The following GOLGA5 variants were observed in gnomAD, a reference collection of about 807,000 sequenced individuals.
The protein encoded by GOLGA5 is golgin subfamily A member 5.
In GOLGA5, 50 loss-of-function variants were observed where a neutral mutation model predicts 93.5. The ratio of observed to expected loss-of-function variants is 0.53; its 90% CI spans 0.43 to 0.68. GOLGA5 has a LOEUF of 0.68. Ranked by LOEUF, GOLGA5 falls within the 30% of genes least tolerant of loss-of-function variation. The pLI, the probability that GOLGA5 is intolerant of heterozygous loss-of-function variation, is 0.00. For missense variants in GOLGA5, 760 were observed against 856.4 expected (o/e 0.89, Z 1.40); for synonymous variants, 312 against 304.5 (o/e 1.02, Z -0.26).
rs1885187638 is a variant in GOLGA5, at chr14:92,815,694, T to G, written c.1321-557T>G. Among the ~76,000 whole-genome samples the G allele has an allele frequency of 2.9e-5, 4 of 139,428 alleles. No homozygotes were observed. The South Asian group carries it at 9.0e-4, about 31-fold the overall frequency. 91.5% of individuals were successfully genotyped at this position (139,428 alleles called of 152,430 possible). On this transcript the variant is annotated intron_variant, in intron 6 of 12. Coordinates refer to ENST00000163416, the MANE Select transcript of GOLGA5 (RefSeq NM_005113.4). ...TCAAATAAATAAACACAAATTTTTTTTAATCTTTTTTTTTTTTTTTTTTTT... is the reference window on the plus strand; with the variant it reads ...TCAAATAAATAAACACAAATTTTTTGTAATCTTTTTTTTTTTTTTTTTTTT...
chr14:92,798,207 C>G (rs568209097), intron 2 of GOLGA5, among the ~76,000 whole-genome samples: 12 of 152,246 alleles, frequency 7.9e-5, no homozygotes, highest in African/African-American at 2.6e-4. Flanking sequence ...ACTTCACCCA[C>G]TCAGCATCTA....
At chr14:92,812,001 C>G (rs1178102318) in intron 6 of GOLGA5, among the ~76,000 whole-genome samples, 2 of 152,200 alleles carry the variant, frequency 1.3e-5, no homozygotes, top group African/African-American at 4.8e-5. Context: ...ACCTTACTCA[C>G]TGTGATGATA....
At chr14:92,839,261 G>T in intron 12 of GOLGA5, 105 bp from the exon 13 acceptor site, 1 of 710,918 alleles carries the variant, frequency 1.4e-6, no homozygotes, top group Non-Finnish European at 2.6e-6. Context: ...GTCCCATAGG[G>T]GATACAGAGG....
chr14:92,807,779 T>C (rs776278398), intron 3 of GOLGA5, among the ~76,000 whole-genome samples: 1 of 147,222 alleles, frequency 6.8e-6, no homozygotes, highest in South Asian at 2.2e-4. Flanking sequence ...AGGTAGTGAC[T>C]GAGGAAGATG....
intron 7 of GOLGA5, among the ~76,000 whole-genome samples, chr14:92,818,011 A>AT (rs898274720): frequency 2.7e-4 from 40 of 150,280 alleles, no homozygotes; most frequent in East Asian, 7.8e-4. Context: ...TTAAAGTAGG[A>AT]TTTTTTTTTT....
intron 2 of GOLGA5, among the ~76,000 whole-genome samples, chr14:92,802,817 A>C (rs946591619): frequency 6.6e-6 from 1 of 151,652 alleles, no homozygotes; most frequent in African/African-American, 2.4e-5. Flanking sequence ...TGTAGCGGCT[A>C]TTCACATGTA....
In GOLGA5 at chr14:92,797,533, C is replaced by T. The variant is rs140027628; in HGVS notation, c.96C>T (p.Ala32=). Residue 32 remains alanine, a synonymous_variant, in exon 2 of 13, where the codon GCC becomes GCT. Coordinates refer to ENST00000163416, the MANE Select transcript of GOLGA5 (RefSeq NM_005113.4). The part of the protein sequence containing the change: ...AATALSRKDN[A]SNIYSKNTDY... ...CAGCTCTCAGTAGGAAAGACAATGC[C>T]AGCAACATATATAGCAAAAATACTG... is the stretch of plus-strand genomic sequence containing the variant. 2,012 of 1,612,906 alleles carry T rather than the reference C, an allele frequency of 1.2e-3. 2 individuals are homozygous for T. Among genetic ancestry groups the T allele is most frequent in the Admixed American group, 1.8e-3 (108 of 60,010 alleles).
intron 1 of GOLGA5, among the ~76,000 whole-genome samples, chr14:92,797,194 T>C (rs1884753351): frequency 6.6e-6 from 1 of 152,126 alleles, no homozygotes; most frequent in Admixed American, 6.5e-5. Flanking sequence ...TATTATTTCA[T>C]CATAAAACCA....
At chr14:92,796,146 T>C (rs1884721368) in intron 1 of GOLGA5, among the ~76,000 whole-genome samples, 1 of 152,272 alleles carries the variant, frequency 6.6e-6, no homozygotes, top group Non-Finnish European at 1.5e-5. Context: ...TTATATGTAA[T>C]AGTGCTGCAG....
At chr14:92,810,131 A>G in intron 4 of GOLGA5, 123 bp from the exon 5 acceptor site, 1 of 651,106 alleles carries the variant, frequency 1.5e-6, no homozygotes, top group South Asian at 2.0e-5. Context: ...AGATTTATCT[A>G]AGAATATTTC....
At chr14:92,824,467 C>A in intron 8 of GOLGA5, 79 bp from the exon 9 acceptor site, 1 of 702,926 alleles carries the variant, frequency 1.4e-6, no homozygotes, top group Non-Finnish European at 2.6e-6. Flanking sequence ...CTACCATGTG[C>A]CAGGCACTGA....
At chr14:92,798,993 G>GT (rs950567336) in intron 2 of GOLGA5, among the ~76,000 whole-genome samples, 1 of 152,074 alleles carries the variant, frequency 6.6e-6, no homozygotes, top group Admixed American at 6.5e-5. Context: ...TTGAGACAGG[G>GT]TCTTGCTCTA....
chr14:92,811,151 G>A (rs902699446), intron 5 of GOLGA5, among the ~76,000 whole-genome samples: 27 of 152,142 alleles, frequency 1.8e-4, no homozygotes, highest in African/African-American at 5.1e-4. Flanking sequence ...AAAATATGGT[G>A]TAATTTACAC....
chr14:92,806,850 A>G lies in GOLGA5; in HGVS notation c.659A>G (p.Lys220Arg), dbSNP rs1279106710. Reference sequence around the variant, plus strand: ...ACCCCAACACCTAATGATGATGGCAAATCACATGAACTGTCTAACCTTCGA... The same window carrying G: ...ACCCCAACACCTAATGATGATGGCAGATCACATGAACTGTCTAACCTTCGA... Reference protein sequence around the residue: ...DHTPTPNDDGKSHELSNLRLE... With the variant: ...DHTPTPNDDGRSHELSNLRLE... Residue 220 changes from lysine (K) to arginine (R), a missense_variant, in exon 3 of 13, where the codon AAA becomes AGA. Transcript: ENST00000163416. 3 of 1,613,412 alleles carry G rather than the reference A, an allele frequency of 1.9e-6. No homozygotes were observed. Among genetic ancestry groups the G allele is most frequent in the South Asian group, 2.2e-5 (2 of 91,080 alleles).
At chr14:92,804,619 A>G (rs931456063) in intron 2 of GOLGA5, among the ~76,000 whole-genome samples, 1 of 151,514 alleles carries the variant, frequency 6.6e-6, no homozygotes, top group African/African-American at 2.4e-5. Context: ...GCAAATGTTC[A>G]CACCATTATC....
intron 9 of GOLGA5, among the ~76,000 whole-genome samples, chr14:92,832,732 T>C (rs1358152972): frequency 6.6e-6 from 1 of 152,224 alleles, no homozygotes; most frequent in Non-Finnish European, 1.5e-5. Context: ...AAAGTGTGGA[T>C]TGTGTCCTCT....
chr14:92,803,071 T>C (rs1442589422), intron 2 of GOLGA5, among the ~76,000 whole-genome samples: 1 of 152,238 alleles, frequency 6.6e-6, no homozygotes, highest in Admixed American at 6.5e-5. Context: ...GATCTCACTC[T>C]GTCGCCCAGG....
intron 9 of GOLGA5, among the ~76,000 whole-genome samples, chr14:92,827,059 TATATCTGATAAAGG>T (rs1488819159): frequency 1.3e-5 from 2 of 152,238 alleles, no homozygotes; most frequent in African/African-American, 2.4e-5. Context: ...TCTGTATATA[TATATCTGATAAAGG>T]ATTTATAACC....
intron 7 of GOLGA5, among the ~76,000 whole-genome samples, chr14:92,816,991 A>C (rs1182259626): frequency 6.6e-6 from 1 of 150,474 alleles, no homozygotes; most frequent in African/African-American, 2.5e-5. Context: ...GCTGGAGTGC[A>C]GTGGCGTGAT....
Sources: allele counts gnomAD v4.1 joint callset (sites outside exome capture counted in the v4.1 genomes callset), GRCh38; gene constraint gnomAD v4.1.1; transcripts MANE v1.5; gene names NCBI Gene and HGNC (gene_info 2026-07-23, HGNC 2026-07-21).